Variants in FABP6 observed in about 807,000 individuals in gnomAD.
The protein encoded by FABP6 is fatty acid binding protein 6.
In FABP6, 13 loss-of-function variants were observed where a neutral mutation model predicts 14.9. The observed-to-expected ratio is 0.87, with a 90% confidence interval of 0.57 to 1.39. The LOEUF is 1.39. Among genes scored for constraint, FABP6 ranks in the 40% most tolerant of loss-of-function variants. The probability of loss-of-function intolerance (pLI) is 0.00; values close to 1 mark genes in which losing one functional copy is unlikely to be tolerated. For synonymous variants in FABP6, 75 were observed against 63.6 expected (o/e 1.18, Z -0.85); for missense variants, 161 against 167.2 (o/e 0.96, Z 0.20).
intron 2 of FABP6, among the ~76,000 whole-genome samples, chr5:160,206,627 A>T (rs1759773117): frequency 2.0e-5 from 3 of 152,208 alleles, no homozygotes; most frequent in African/African-American, 7.2e-5. Context: ...ATGCATTTCT[A>T]CACAGAGCCA....
chr5:160,215,679 C>T (rs1759995297), intron 3 of FABP6, among the ~76,000 whole-genome samples: 2 of 140,126 alleles, frequency 1.4e-5, no homozygotes, highest in South Asian at 2.5e-4. Context: ...CAGAGCAAGA[C>T]CTTGTCAAAA....
chr5:160,233,598 G>A (rs1352054761), intron 2 of FABP6, among the ~76,000 whole-genome samples: 1 of 152,192 alleles, frequency 6.6e-6, no homozygotes, highest in Non-Finnish European at 1.5e-5. Flanking sequence ...AAACTGGCCG[G>A]GCACGGTGGC....
intron 1 of FABP6, among the ~76,000 whole-genome samples, chr5:160,194,630 C>T (rs1380366708): frequency 1.3e-5 from 2 of 152,286 alleles, no homozygotes; most frequent in East Asian, 1.9e-4. Context: ...CAGGGACACC[C>T]TCTGCGTAGA....
intron 1 of FABP6, among the ~76,000 whole-genome samples, chr5:160,192,047 T>C (rs1759405618): frequency 6.6e-6 from 1 of 151,946 alleles, no homozygotes; most frequent in Non-Finnish European, 1.5e-5. Context: ...CTTAAAGTGC[T>C]TTCTATTTCT....
chr5:160,203,849 G>A (rs1461573791), intron 2 of FABP6, among the ~76,000 whole-genome samples: 5 of 151,930 alleles, frequency 3.3e-5, no homozygotes, highest in South Asian at 2.1e-4. Flanking sequence ...TTATAGGCAC[G>A]CGCCAACATG....
At chr5:160,208,586 CT>C (rs1227265750) in intron 2 of FABP6, among the ~76,000 whole-genome samples, 7 of 151,958 alleles carry the variant, frequency 4.6e-5, no homozygotes, top group Admixed American at 1.3e-4. Flanking sequence ...AATTAATCCA[CT>C]AATAAATTAA....
At chr5:160,200,601 A>G (rs1444742247) in intron 2 of FABP6, among the ~76,000 whole-genome samples, 6 of 151,930 alleles carry the variant, frequency 3.9e-5, no homozygotes, top group Non-Finnish European at 8.8e-5. Context: ...TTTAGTAGAG[A>G]CGGGGTTTCA....
At chr5:160,187,913 A>T (rs963380825) in intron 1 of FABP6, among the ~76,000 whole-genome samples, 1 of 151,928 alleles carries the variant, frequency 6.6e-6, no homozygotes, top group African/African-American at 2.4e-5. Flanking sequence ...CCACCATGCC[A>T]GGTTAATTTT....
At chr5:160,215,656 C>T (rs1359551709) in intron 3 of FABP6, among the ~76,000 whole-genome samples, 1 of 149,766 alleles carries the variant, frequency 6.7e-6, no homozygotes, top group Non-Finnish European at 1.5e-5. Flanking sequence ...CCACTGTACT[C>T]CAGTTTGGGT....
intron 2 of FABP6, among the ~76,000 whole-genome samples, chr5:160,199,428 T>C (rs1561741800): frequency 6.6e-6 from 1 of 152,120 alleles, no homozygotes; most frequent in Non-Finnish European, 1.5e-5. Context: ...CTAGAGACGA[T>C]GGCGGTGGGG....
chr5:160,211,409 T>G (rs1759888085), intron 2 of FABP6, among the ~76,000 whole-genome samples: 1 of 152,260 alleles, frequency 6.6e-6, no homozygotes, highest in South Asian at 2.1e-4. Flanking sequence ...CTGGCCCCCT[T>G]TCTAAGGATC....
intron 3 of FABP6, among the ~76,000 whole-genome samples, chr5:160,223,359 T>TTCCTTCCTTCCTTCCTTCCTTCCC (rs1760170161): frequency 2.3e-5 from 2 of 87,062 alleles, no homozygotes; most frequent in Admixed American, 1.1e-4. Context: ...CCTTCCTTCC[T>TTCCTTCCTTCCTTCCTTCCTTCCC]TCTTTCCCTC....
At chr5:160,210,883 C>T (rs1188839626) in intron 2 of FABP6, among the ~76,000 whole-genome samples, 1 of 152,192 alleles carries the variant, frequency 6.6e-6, no homozygotes, top group Non-Finnish European at 1.5e-5. Flanking sequence ...GGAATGATTT[C>T]TGCGGCTGCC....
At chr5:160,198,422 T>C (rs1759560933) in intron 1 of FABP6, 1 of 152,444 alleles carries the variant, frequency 6.6e-6, no homozygotes, top group Non-Finnish European at 1.5e-5. Context: ...TTTCTGGAGT[T>C]ACCACCTCAC....
chr5:160,192,651 C>G (rs115571335), intron 1 of FABP6, among the ~76,000 whole-genome samples: 1 of 152,260 alleles, frequency 6.6e-6, no homozygotes, highest in Admixed American at 6.5e-5. Context: ...AGGGCAGCCA[C>G]AGAGACACAG....
chr5:160,238,640 T>A lies in FABP6; in HGVS notation c.368T>A (p.Val123Glu). 3.7e-6 allele frequency: 6 copies of A among 1,614,022 alleles called. No homozygotes were observed. The highest frequency in any genetic ancestry group is 5.1e-6 in the Non-Finnish European group (6 of 1,179,930). ...ATCGGAGGCGTGACCTATGAGCGCGTGAGCAAGAGACTGGCCTAAGCAGCC... is the reference window on the plus strand; with the variant it reads ...ATCGGAGGCGTGACCTATGAGCGCGAGAGCAAGAGACTGGCCTAAGCAGCC... ...STIGGVTYER[V>E]SKRLA Residue 123 changes from valine to glutamate, a missense_variant, in exon 4 of 4, where the codon GTG (valine) becomes GAG (glutamate). Coordinates refer to ENST00000402432, the MANE Select transcript of FABP6 (RefSeq NM_001445.3).
At position 160,205,877 on chromosome 5, in the gene FABP6, A is replaced by G. The variant is rs116172300; in HGVS notation, c.51+6720A>G. Reference sequence around the variant, plus strand: ...CGTTACTGATCCACACAATCAGTCAACTTGAGAGTCCTCCCTTCCCATCTC... The same window carrying G: ...CGTTACTGATCCACACAATCAGTCAGCTTGAGAGTCCTCCCTTCCCATCTC... On this transcript the variant is annotated intron_variant, in intron 2 of 6. Coordinates refer to the FABP6 transcript ENST00000393980. Among the ~76,000 whole-genome samples, 1,034 of 152,330 alleles carry G rather than the reference A, an allele frequency of 6.8e-3. 12 individuals are homozygous for G. Among genetic ancestry groups the G allele is most frequent in the African/African-American group, 0.024 (977 of 41,572 alleles).
chr5:160,218,737 G>A lies in FABP6; in HGVS notation c.135+4918G>A, dbSNP rs534005615. Among the ~76,000 whole-genome samples the A allele has an allele frequency of 5.3e-5, 8 of 150,586 alleles. No individual in the cohort carries two copies. In the East Asian group the frequency reaches 7.8e-4, roughly 15 times the overall value. On this transcript the variant is annotated intron_variant, in intron 3 of 6. Coordinates refer to the FABP6 transcript ENST00000393980. ...CAGCCTCCCAAAGTGTTGGGATTAC[G>A]GGCATGAGCCACTGCGCCTGGCCTT...
At chr5:160,216,123 A>G (rs550984898) in intron 3 of FABP6, among the ~76,000 whole-genome samples, 1 of 152,220 alleles carries the variant, frequency 6.6e-6, no homozygotes, top group African/African-American at 2.4e-5. Flanking sequence ...AAAATTGATG[A>G]GCTGCGAAGC....
Sources: gnomAD v4.1 joint callset for allele counts (sites outside exome capture counted in the v4.1 genomes callset) on GRCh38, gnomAD v4.1.1 for gene constraint, MANE v1.5 for transcripts, NCBI Gene and HGNC (gene_info 2026-07-23, HGNC 2026-07-21) for gene names.